IQUB: variants seen among roughly 807,000 people sequenced by gnomAD.
IQUB encodes the protein IQ motif and ubiquitin-like domain-containing protein.
A neutral mutation model predicts 86.4 loss-of-function variants in IQUB; 86 were observed. The observed-to-expected ratio is 1.00, with a 90% CI of 0.84 to 1.19. The LOEUF is 1.19. Ranked by LOEUF, IQUB falls within the 50% of genes most tolerant of loss-of-function variation. The pLI is 0.00. For synonymous variants in IQUB, 289 were observed against 304.5 expected (o/e 0.95, Z 0.53); for missense variants, 946 against 916.9 (o/e 1.03, Z -0.41).
chr7:123,497,651 C>G (rs1407208208), intron 6 of IQUB, among the ~76,000 whole-genome samples: 1 of 151,114 alleles, frequency 6.6e-6, no homozygotes, highest in Non-Finnish European at 1.5e-5. Flanking sequence ...TGTGAAGAGG[C>G]CGGATCAAGA....
At chr7:123,458,471 C>A (rs1214085792) in intron 11 of IQUB, among the ~76,000 whole-genome samples, 2 of 151,796 alleles carry the variant, frequency 1.3e-5, no homozygotes, top group East Asian at 3.9e-4. Flanking sequence ...ATTGGTAATT[C>A]AATATATTAA....
At position 123,488,083 on chromosome 7, in the gene IQUB, T is replaced by G. The variant is rs955277875; in HGVS notation, c.1235-8113A>C. On this transcript the variant is annotated intron_variant, in intron 7 of 12. Transcript: ENST00000324698. ...AAGAAAAGCTGAGCTCAGTGGCTCATGTCTGTAATCCCAGCACTTTGGGAG... is the reference window on the plus strand; with the variant it reads ...AAGAAAAGCTGAGCTCAGTGGCTCAGGTCTGTAATCCCAGCACTTTGGGAG... 3.3e-5 allele frequency among the ~76,000 whole-genome samples: 5 copies of G among 152,054 alleles called. No homozygotes were observed. In the East Asian group the frequency reaches 9.7e-4, roughly 29 times the overall value.
chr7:123,462,701 A>AT, intron 10 of IQUB: 2 of 333,584 alleles, frequency 6.0e-6, no homozygotes, highest in South Asian at 4.7e-5. Flanking sequence ...TTGAATGATT[A>AT]TTTTATCTTC....
intron 1 of IQUB, among the ~76,000 whole-genome samples, chr7:123,522,973 G>A (rs1269819689): frequency 4.7e-5 from 7 of 148,940 alleles, no homozygotes; most frequent in East Asian, 2.0e-4. Context: ...TTGTTCTTGC[G>A]ATAGTTTACT....
chr7:123,501,403 T>C (rs912631032), intron 6 of IQUB: 2 of 152,190 alleles, frequency 1.3e-5, no homozygotes, highest in African/African-American at 4.8e-5. Context: ...TCAGGTCAGC[T>C]ACAAAATTAA....
At chr7:123,458,675 A>G (rs1793832812) in intron 11 of IQUB, among the ~76,000 whole-genome samples, 1 of 152,038 alleles carries the variant, frequency 6.6e-6, no homozygotes. Context: ...TTGAAATTGT[A>G]TCATACAGAA....
intron 7 of IQUB, among the ~76,000 whole-genome samples, chr7:123,490,993 A>G (rs2117135653): frequency 6.6e-6 from 1 of 152,008 alleles, no homozygotes; most frequent in Non-Finnish European, 1.5e-5. Flanking sequence ...ACAAACCTCA[A>G]ACCTCAAACC....
intron 1 of IQUB, among the ~76,000 whole-genome samples, chr7:123,513,011 G>A (rs1156885159): frequency 6.6e-6 from 1 of 152,162 alleles, no homozygotes; most frequent in Non-Finnish European, 1.5e-5. Flanking sequence ...AGAAACAAAT[G>A]TCCAATATAG....
intron 2 of IQUB, among the ~76,000 whole-genome samples, 154 bp from the exon 3 acceptor site, chr7:123,510,189 A>G (rs1753520324): frequency 6.6e-6 from 1 of 152,128 alleles, no homozygotes; most frequent in Admixed American, 6.5e-5. Context: ...CCCCAATGAT[A>G]ACAGTTACTT....
rs1269683035 is a variant in IQUB at position 123,503,123 on chromosome 7, G to C, written c.695-7C>G. 38 of 1,610,696 alleles carry C rather than the reference G, an allele frequency of 2.4e-5. No homozygotes were observed. Among genetic ancestry groups the C allele is most frequent in the Non-Finnish European group, 3.1e-5 (36 of 1,178,698 alleles). On this transcript the variant is annotated splice_region_variant and splice_polypyrimidine_tract_variant and intron_variant, in intron 4 of 12. Transcript: ENST00000324698. ...TGCTGGTATTGATCAAGTCCTGAGA[G>C]ATAACACCAAGATTCAATGAAAGCT...
chr7:123,463,217 G>GA (rs1794085570), intron 10 of IQUB, among the ~76,000 whole-genome samples: 1 of 151,294 alleles, frequency 6.6e-6, no homozygotes, highest in African/African-American at 2.4e-5. Context: ...AGTCAGTTTG[G>GA]AAAAAAATGC....
At chr7:123,467,844 T>A (rs923743128) in intron 9 of IQUB, among the ~76,000 whole-genome samples, 3 of 152,194 alleles carry the variant, frequency 2.0e-5, no homozygotes, top group African/African-American at 7.2e-5. Context: ...AACTCTGGAC[T>A]CTTCAAGTTT....
chr7:123,484,487 A>G (rs1415523859), intron 7 of IQUB, among the ~76,000 whole-genome samples: 1 of 152,074 alleles, frequency 6.6e-6, no homozygotes, highest in African/African-American at 2.4e-5. Context: ...CAATTATATC[A>G]GATTATATGG....
At chr7:123,454,505 A>T (rs1335990142) in intron 12 of IQUB, among the ~76,000 whole-genome samples, 1 of 152,152 alleles carries the variant, frequency 6.6e-6, no homozygotes, top group Non-Finnish European at 1.5e-5. Flanking sequence ...GGATTTCAAT[A>T]GATTATTATA....
chr7:123,496,838 C>T lies in IQUB; in HGVS notation c.1092G>A (p.Gln364=). 4 of 1,612,492 alleles carry T rather than the reference C, an allele frequency of 2.5e-6. No individual in the cohort carries two copies. The highest frequency in any genetic ancestry group is 3.4e-6 in the Non-Finnish European group (4 of 1,179,400). ...AKIFVENLRR[Q]KSLRLEWETQ... is the part of the protein sequence containing the mutation. ...TTTCCCATTCCAGTCTTAAGCTTTT[C>T]TGTCTTCTTAAATTCTCTACGAAGA... Residue 364 remains glutamine, a synonymous_variant, in exon 7 of 13, where the codon CAG becomes CAA. Coordinates refer to ENST00000324698, the MANE Select transcript of IQUB (RefSeq NM_178827.5).
intron 12 of IQUB, 63 bp downstream of exon 12, chr7:123,457,317 TC>T (rs1793743673): frequency 6.3e-7 from 1 of 1,575,050 alleles, no homozygotes; most frequent in South Asian, 1.2e-5. Flanking sequence ...TAGAAGGCAG[TC>T]CAGTTATCGC....
intron 7 of IQUB, among the ~76,000 whole-genome samples, chr7:123,486,953 A>T (rs1795236569): frequency 6.6e-6 from 1 of 152,188 alleles, no homozygotes; most frequent in East Asian, 1.9e-4. Context: ...AGGATGAGTG[A>T]TATGGTTTGG....
chr7:123,458,539 C>T (rs569881075), intron 11 of IQUB, among the ~76,000 whole-genome samples: 2 of 152,084 alleles, frequency 1.3e-5, no homozygotes, highest in African/African-American at 4.8e-5. Context: ...ACTCTGTACA[C>T]AGCTGCTATG....
intron 7 of IQUB, among the ~76,000 whole-genome samples, chr7:123,480,746 G>A (rs757364615): frequency 8.6e-5 from 13 of 151,718 alleles, no homozygotes; most frequent in Admixed American, 1.3e-4. Flanking sequence ...ATTCACTTAG[G>A]TGCCATTTTC....
Sources: gnomAD v4.1 joint callset for allele counts (sites outside exome capture counted in the v4.1 genomes callset) on GRCh38, gnomAD v4.1.1 for gene constraint, MANE v1.5 for transcripts, NCBI Gene and HGNC (gene_info 2026-07-23, HGNC 2026-07-21) for gene names.